Variants in RIT2 observed in about 807,000 individuals in gnomAD.
The protein encoded by RIT2 is GTP-binding protein Rit2.
Under a neutral mutation model 23.7 loss-of-function variants are expected in RIT2, and 24 were observed. The observed-to-expected ratio is 1.01, with a 90% CI of 0.73 to 1.43. The LOEUF (loss-of-function observed/expected upper bound fraction) is 1.43, where lower values mean the gene tolerates loss of function less well. Among genes scored for constraint, RIT2 ranks in the 40% most tolerant of loss-of-function variants. The pLI is 0.00. For synonymous variants in RIT2, 107 were observed against 91.1 expected (o/e 1.17, Z -0.99); for missense variants, 236 against 266.9 (o/e 0.88, Z 0.81).
At chr18:42,794,747 C>T (rs1268913184) in intron 4 of RIT2, among the ~76,000 whole-genome samples, 2 of 152,102 alleles carry the variant, frequency 1.3e-5, no homozygotes, top group Admixed American at 6.5e-5. Flanking sequence ...GGAAACAGTT[C>T]ATATTATGCA....
Position 42,766,370 on chromosome 18 carries a change from A to G in RIT2, c.427-22650T>C, listed in dbSNP as rs547497816. Among the ~76,000 whole-genome samples the G allele has an allele frequency of 3.9e-5, 6 of 152,290 alleles. No individual in the cohort carries two copies. The South Asian group carries it at 1.0e-3, about 26-fold the overall frequency. ...AACTGGAGTAAAGGTGACTCTTCCT[A>G]TGTTTTAGCAAAAAGACTGGAGGCA... On this transcript the variant is annotated intron_variant, in intron 4 of 4. Transcript: ENST00000326695.
chr18:43,053,993 A>C (rs747320211), intron 1 of RIT2, among the ~76,000 whole-genome samples: 1 of 151,952 alleles, frequency 6.6e-6, no homozygotes, highest in Non-Finnish European at 1.5e-5. Context: ...TACCTCCTTT[A>C]CTCATAGCTA....
intron 4 of RIT2, among the ~76,000 whole-genome samples, chr18:42,766,138 C>G (rs1913417039): frequency 1.3e-5 from 2 of 152,010 alleles, no homozygotes; most frequent in African/African-American, 4.8e-5. Context: ...GCTGAAAAGA[C>G]ACCTGAAAAT....
At chr18:42,836,907 T>C (rs1906619968) in intron 4 of RIT2, among the ~76,000 whole-genome samples, 2 of 152,036 alleles carry the variant, frequency 1.3e-5, no homozygotes, top group South Asian at 4.2e-4. Context: ...ATTGATAAGA[T>C]GGGAAGGACT....
At chr18:42,881,753 T>G (rs1907900704) in intron 4 of RIT2, among the ~76,000 whole-genome samples, 1 of 152,210 alleles carries the variant, frequency 6.6e-6, no homozygotes, top group Non-Finnish European at 1.5e-5. Flanking sequence ...TAGTTATAAC[T>G]ATTGCTTAGC....
At chr18:42,853,794 T>A (rs1019120844) in intron 4 of RIT2, among the ~76,000 whole-genome samples, 1 of 152,170 alleles carries the variant, frequency 6.6e-6, no homozygotes, top group Non-Finnish European at 1.5e-5. Context: ...AAAAGGCAAT[T>A]CAAATATTTG....
chr18:42,935,323 A>C (rs1055731953), intron 3 of RIT2, among the ~76,000 whole-genome samples: 1 of 152,160 alleles, frequency 6.6e-6, no homozygotes, highest in African/African-American at 2.4e-5. Context: ...GAATGAACGA[A>C]CAAGGACACT....
At position 43,076,163 on chromosome 18, in the gene RIT2, G is replaced by C. The variant is rs116425451; in HGVS notation, c.103+39254C>G. On this transcript the variant is annotated intron_variant, in intron 1 of 4. Coordinates refer to ENST00000326695, the MANE Select transcript of RIT2 (RefSeq NM_002930.4). ...CAGCTTCACATTATTCAGATTGTGAGAATATATTATTTATTTCTTCTAGAA... is the reference window on the plus strand; with the variant it reads ...CAGCTTCACATTATTCAGATTGTGACAATATATTATTTATTTCTTCTAGAA... Among the ~76,000 whole-genome samples the C allele has an allele frequency of 8.9e-3, 1,362 of 152,240 alleles. 23 individuals are homozygous for C. The highest frequency in any genetic ancestry group is 0.031 in the African/African-American group (1,303 of 41,546).
At chr18:42,994,622 G>A (rs1005517425) in intron 2 of RIT2, among the ~76,000 whole-genome samples, 1 of 151,920 alleles carries the variant, frequency 6.6e-6, no homozygotes, top group Non-Finnish European at 1.5e-5. Flanking sequence ...ACACACAGCC[G>A]AAGTGCAGGG....
intron 3 of RIT2, among the ~76,000 whole-genome samples, chr18:42,949,262 G>A (rs1166445645): frequency 6.6e-6 from 1 of 152,048 alleles, no homozygotes; most frequent in Non-Finnish European, 1.5e-5. Flanking sequence ...GGAACTCTCT[G>A]AATAAAGGAG....
At chr18:42,995,557 G>T (rs1910961257) in intron 2 of RIT2, among the ~76,000 whole-genome samples, 1 of 152,068 alleles carries the variant, frequency 6.6e-6, no homozygotes, top group African/African-American at 2.4e-5. Context: ...ATTTTTTCAG[G>T]CTCTTGGTAT....
chr18:43,035,204 T>C (rs1486207769), intron 1 of RIT2, among the ~76,000 whole-genome samples: 1 of 152,218 alleles, frequency 6.6e-6, no homozygotes, highest in African/African-American at 2.4e-5. Flanking sequence ...AGAGAATTTC[T>C]GTTTTATGCT....
At position 42,878,580 on chromosome 18, in the gene RIT2, TG is replaced by T. The variant is rs1293439640; in HGVS notation, c.426+44991del. Reference sequence around the variant, plus strand: ...AGATTCAACTCTGTGTGTGTGTGTGTGTGTGTGTGTGTGTGTGTATGTGTGT... The same window carrying T: ...AGATTCAACTCTGTGTGTGTGTGTGTTGTGTGTGTGTGTGTGTATGTGTGT... On this transcript the variant is annotated intron_variant, in intron 4 of 4. Coordinates refer to ENST00000326695, the MANE Select transcript of RIT2 (RefSeq NM_002930.4). Among the ~76,000 whole-genome samples the T allele has an allele frequency of 2.0e-5, 3 of 151,628 alleles. No homozygotes were observed. The East Asian group carries it at 5.8e-4, about 29-fold the overall frequency.
intron 4 of RIT2, among the ~76,000 whole-genome samples, chr18:42,826,616 A>T (rs977880148): frequency 2.0e-5 from 3 of 152,084 alleles, no homozygotes; most frequent in Non-Finnish European, 4.4e-5. Context: ...GTAGGTTGAC[A>T]TTATACAAGA....
intron 2 of RIT2, among the ~76,000 whole-genome samples, chr18:42,982,190 G>A (rs1910613128): frequency 6.6e-6 from 1 of 152,210 alleles, no homozygotes; most frequent in Admixed American, 6.5e-5. Flanking sequence ...AACTTGGGGA[G>A]CTGCTGGTGT....
chr18:43,040,556 GAAGT>G (rs1912104124), intron 1 of RIT2, among the ~76,000 whole-genome samples: 2 of 152,160 alleles, frequency 1.3e-5, no homozygotes, highest in Non-Finnish European at 2.9e-5. Flanking sequence ...GCAGAAAAGT[GAAGT>G]AAGAGAATTC....
chr18:42,825,040 A>G (rs926151768), intron 4 of RIT2, among the ~76,000 whole-genome samples: 1 of 151,894 alleles, frequency 6.6e-6, no homozygotes, highest in African/African-American at 2.4e-5. Context: ...CCAGTTCTAC[A>G]ATTTTGACTG....
chr18:43,091,269 T>G (rs2144360594), intron 1 of RIT2, among the ~76,000 whole-genome samples: 1 of 152,162 alleles, frequency 6.6e-6, no homozygotes, highest in Admixed American at 6.6e-5. Context: ...AATAAAATTG[T>G]TGTCCCCACA....
intron 3 of RIT2, among the ~76,000 whole-genome samples, chr18:42,950,490 A>G (rs1482155906): frequency 6.6e-6 from 1 of 152,028 alleles, no homozygotes; most frequent in Non-Finnish European, 1.5e-5. Flanking sequence ...TTGGGAAAGA[A>G]TTTATGACTA....
Sources: gnomAD v4.1 joint callset for allele counts (sites outside exome capture counted in the v4.1 genomes callset) on GRCh38, gnomAD v4.1.1 for gene constraint, MANE v1.5 for transcripts, NCBI Gene and HGNC (gene_info 2026-07-23, HGNC 2026-07-21) for gene names.